Variants in KIF13A observed in about 807,000 individuals in gnomAD.
The protein encoded by KIF13A is kinesin-like protein KIF13A.
In KIF13A, 79 loss-of-function variants were observed where a neutral mutation model predicts 212.2. The ratio of observed to expected loss-of-function variants is 0.37; its 90% confidence interval spans 0.31 to 0.45. The LOEUF is 0.45. KIF13A is among the 20% of genes least tolerant of loss of function. The pLI is 1.00. For synonymous variants in KIF13A, 789 were observed against 808.6 expected, an observed-to-expected ratio of 0.98 and a Z score of 0.41; for missense variants, 1,901 against 2,209.0, an observed-to-expected ratio of 0.86 and a Z score of 2.79.
In KIF13A at chr6:17,785,759, A is replaced by T. The variant is rs1177944092; in HGVS notation, c.3362-118T>A. On this transcript the variant is annotated intron_variant, in intron 27 of 38. Coordinates refer to ENST00000259711, the MANE Select transcript of KIF13A (RefSeq NM_022113.6). The surrounding 1 kb of genome is among the most constrained non-coding windows in gnomAD (Gnocchi z 5.8). Reference sequence around the variant, plus strand: ...GAGACCCCATCTCTACCAAAAAAAAAAAAATAGTTGGGCAGGGTGGTGGTA... The same window carrying T: ...GAGACCCCATCTCTACCAAAAAAAATAAAATAGTTGGGCAGGGTGGTGGTA... 26 of 1,101,092 alleles carry T rather than the reference A, an allele frequency of 2.4e-5. No homozygotes were observed. Among genetic ancestry groups the T allele is most frequent in the Non-Finnish European group, 3.4e-5 (26 of 763,012 alleles). The allele number at this position is 1,101,092 out of a possible 1,614,324, so 68.2% of individuals were successfully genotyped here. A position where few individuals can be genotyped will look rare whatever the true frequency, so the allele number is the denominator to read the frequency against.
chr6:17,784,696 T>G (rs1760897448), intron 28 of KIF13A, among the ~76,000 whole-genome samples: 1 of 152,112 alleles, frequency 6.6e-6, no homozygotes, highest in African/African-American at 2.4e-5. Context: ...GAGAGGGCTT[T>G]GAGGGCCAGA....
chr6:17,936,745 T>C (rs940659227), intron 2 of KIF13A, among the ~76,000 whole-genome samples: 1 of 152,178 alleles, frequency 6.6e-6, no homozygotes, highest in African/African-American at 2.4e-5. Flanking sequence ...ACAAGTAATA[T>C]TAACGAATAA....
intron 2 of KIF13A, among the ~76,000 whole-genome samples, chr6:17,932,471 C>T (rs7751457): frequency 0.72 from 109,383 of 152,138 alleles, 39,900 homozygotes; most frequent in South Asian, 0.83. Context: ...TTGCATAAGG[C>T]TTTTAGATCT....
intron 35 of KIF13A, among the ~76,000 whole-genome samples, chr6:17,774,772 T>G (rs1273698373): frequency 7.2e-6 from 1 of 138,498 alleles, no homozygotes; most frequent in African/African-American, 2.9e-5. Flanking sequence ...AAACTCTGTC[T>G]CAAAAAAAAA....
chr6:17,795,962 TA>T (rs1761997315), intron 23 of KIF13A, among the ~76,000 whole-genome samples: 1 of 152,232 alleles, frequency 6.6e-6, no homozygotes, highest in African/African-American at 2.4e-5. Flanking sequence ...AATTTTTGTA[TA>T]TGGTGTGAAG....
intron 4 of KIF13A, among the ~76,000 whole-genome samples, chr6:17,858,051 A>T (rs73371166): frequency 0.011 from 1,679 of 152,018 alleles, 23 homozygotes; most frequent in African/African-American, 0.038. Context: ...AGAACTGTGC[A>T]TATAATGTAA....
chr6:17,941,890 G>A (rs912637730), intron 2 of KIF13A, among the ~76,000 whole-genome samples: 2 of 151,202 alleles, frequency 1.3e-5, no homozygotes, highest in African/African-American at 4.9e-5. Flanking sequence ...AATTATTAAC[G>A]TTATTATTAG....
intron 2 of KIF13A, among the ~76,000 whole-genome samples, chr6:17,985,632 C>CCGGGGGGGGGGGGGGGGGGGGGG (rs112580662): frequency 2.6e-5 from 1 of 38,208 alleles, no homozygotes; most frequent in Non-Finnish European, 5.2e-5. Flanking sequence ...ATGCAGTTTG[C>CCGGGGGGGGGGGGGGGGGGGGGG]GGGGGGGTGG....
chr6:17,772,113 C>T lies in KIF13A; in HGVS notation c.4325-54G>A. ...CAGATGCTGAACACTTTAAGCAAAA[C>T]ATAGGAACTGAGACAATGACCCAGC... On this transcript the variant is annotated intron_variant, in intron 36 of 38. Coordinates refer to ENST00000259711, the MANE Select transcript of KIF13A (RefSeq NM_022113.6). This position sits in a 1 kb window ranked among gnomAD's most constrained non-coding sequence, Gnocchi z 4.8. 1 of 1,523,016 alleles carries T rather than the reference C, an allele frequency of 6.6e-7. No individual in the cohort carries two copies. Among genetic ancestry groups the T allele is most frequent in the Non-Finnish European group, 9.1e-7 (1 of 1,103,900 alleles). The allele number at this position is 1,523,016 out of a possible 1,614,324, so 94.3% of individuals were successfully genotyped here.
At chr6:17,857,930 T>G (rs12209389) in intron 4 of KIF13A, among the ~76,000 whole-genome samples, 1 of 151,926 alleles carries the variant, frequency 6.6e-6, no homozygotes, top group Non-Finnish European at 1.5e-5. Flanking sequence ...CTGTTTTATA[T>G]GATGGAATAT....
Position 17,902,565 on chromosome 6 carries a change from ATTTACATGCC to A in KIF13A, c.147-4395_147-4386del, listed in dbSNP as rs548033984. On this transcript the variant is annotated intron_variant, in intron 2 of 38. Transcript: ENST00000259711. ...GAGTTTTTACCACACAACTCATGCA[ATTTACATGCC>A]TTTACCCCACTTTGTCTTTCCACTC... 3.9e-4 allele frequency among the ~76,000 whole-genome samples: 59 copies of A among 152,046 alleles called. 1 individual carries two copies. The South Asian group carries it at 6.9e-3, about 18-fold the overall frequency.
chr6:17,786,459 C>T lies in KIF13A; in HGVS notation c.3362-818G>A, dbSNP rs1042762776. 1.3e-5 allele frequency among the ~76,000 whole-genome samples: 2 copies of T among 151,802 alleles called. No individual in the cohort carries two copies. Among genetic ancestry groups the T allele is most frequent in the Non-Finnish European group, 2.9e-5 (2 of 67,966 alleles). ...ACTAAAAATACAAAAATTAGCCAGG[C>T]GTGGTGGTGGGCGCCTTGTAGTCCC... On this transcript the variant is annotated intron_variant, in intron 27 of 38. Transcript: ENST00000259711. This position sits in a 1 kb window ranked among gnomAD's most constrained non-coding sequence, Gnocchi z 5.4.
At chr6:17,865,576 CAAA>C (rs1312043105) in intron 4 of KIF13A, among the ~76,000 whole-genome samples, 1 of 152,188 alleles carries the variant, frequency 6.6e-6, no homozygotes, top group African/African-American at 2.4e-5. Flanking sequence ...ATTCCTTTCT[CAAA>C]AATCTTTGGT....
At chr6:17,802,416 G>A (rs890152957) in intron 20 of KIF13A, among the ~76,000 whole-genome samples, 5 of 150,542 alleles carry the variant, frequency 3.3e-5, no homozygotes, top group South Asian at 4.2e-4. Flanking sequence ...CTCAGCCTCC[G>A]GAGTAGCTGG....
At chr6:17,937,224 G>A (rs115134395) in intron 2 of KIF13A, among the ~76,000 whole-genome samples, 1,820 of 152,194 alleles carry the variant, frequency 0.012, 39 homozygotes, top group African/African-American at 0.041. Flanking sequence ...GTCTGGAGTC[G>A]GGAGTAACCA....
Position 17,780,870 on chromosome 6 carries a change from C to T in KIF13A, c.3706G>A (p.Asp1236Asn). ...GTGACCCTATTCAAGTGAACAGAAT[C>T]ATGCACCGAGGAATCCCAAGAGGCT... ...ATASWDSSVH[D>N]SVHLNRVTPQ... Residue 1236 changes from aspartate (D) to asparagine (N), a missense_variant, in exon 31 of 39, where the codon GAT (aspartate) becomes AAT (asparagine). This residue lies in a region of KIF13A where 687 missense variants were observed against 759.1 expected (regional missense o/e 0.90). Coordinates refer to ENST00000259711, the MANE Select transcript of KIF13A (RefSeq NM_022113.6). 6.2e-7 allele frequency: 1 copy of T among 1,613,908 alleles called. No homozygotes were observed. Among genetic ancestry groups the T allele is most frequent in the South Asian group, 1.1e-5 (1 of 91,076 alleles).
At chr6:17,946,420 C>T (rs1408325134) in intron 2 of KIF13A, among the ~76,000 whole-genome samples, 9 of 150,690 alleles carry the variant, frequency 6.0e-5, no homozygotes, top group Admixed American at 5.9e-4. Flanking sequence ...ATAAGTAACA[C>T]CAAGGAATCA....
chr6:17,909,118 T>G (rs1561749509), intron 2 of KIF13A, among the ~76,000 whole-genome samples: 1 of 152,264 alleles, frequency 6.6e-6, no homozygotes, highest in Non-Finnish European at 1.5e-5. Flanking sequence ...TTACAACAAA[T>G]AGTCCTCCTC....
intron 9 of KIF13A, among the ~76,000 whole-genome samples, chr6:17,841,752 C>T (rs1029685952): frequency 6.6e-6 from 1 of 152,116 alleles, no homozygotes; most frequent in Non-Finnish European, 1.5e-5. Flanking sequence ...AAAATAACTG[C>T]AGGGTGAGTG....
Sources: gnomAD v4.1 joint callset for allele counts (sites outside exome capture counted in the v4.1 genomes callset) on GRCh38, gnomAD v4.1.1 for gene constraint, gnomAD v4.1.1 regional missense constraint, Gnocchi (gnomAD v3.1) non-coding constraint, MANE v1.5 for transcripts, NCBI Gene and HGNC (gene_info 2026-07-23, HGNC 2026-07-21) for gene names.